The following ANAPC11 variants were observed in gnomAD, a reference collection of about 807,000 sequenced individuals.
The protein encoded by ANAPC11 is anaphase-promoting complex subunit 11.
A neutral mutation model predicts 11.8 loss-of-function variants in ANAPC11; 5 were observed. The ratio of observed to expected loss-of-function variants is 0.42; its 90% CI spans 0.22 to 0.89. The LOEUF is 0.89. Among genes scored for constraint, ANAPC11 ranks in the 40% least tolerant of loss-of-function variants. ANAPC11 has a pLI of 0.28. For missense variants in ANAPC11, 68 were observed against 112.9 expected (o/e 0.60, Z 1.80); for synonymous variants, 45 against 41.0 (o/e 1.10, Z -0.38).
At chr17:81,891,037 C>T (rs2039514094), upstream of ANAPC11, 1 of 724,096 alleles carries the variant, frequency 1.4e-6, no homozygotes. Context: ...TAACTTCCCG[C>T]CGCCTGTGCC....
intron 3 of ANAPC11, chr17:81,898,490 TGA>T (rs1302762574): frequency 6.6e-6 from 1 of 152,226 alleles, no homozygotes; most frequent in African/African-American, 2.4e-5. Context: ...ACTCAGGAGT[TGA>T]GAGTCTAATT....
intron 1 of ANAPC11, among the ~76,000 whole-genome samples, chr17:81,892,766 G>A (rs1054356968): frequency 5.5e-4 from 83 of 151,918 alleles, no homozygotes; most frequent in Non-Finnish European, 9.1e-4. Context: ...CAGATGATCC[G>A]CCCGCCTTGG....
chr17:81,893,224 C>G (rs2039612482), intron 1 of ANAPC11: 1 of 152,362 alleles, frequency 6.6e-6, no homozygotes, highest in Admixed American at 6.5e-5. Context: ...TCCCGAGTAG[C>G]TGGGATTACA....
upstream of ANAPC11, chr17:81,891,360 C>G: frequency 8.7e-7 from 1 of 1,154,398 alleles, no homozygotes; most frequent in Non-Finnish European, 1.1e-6. Flanking sequence ...GCCGCCTCCG[C>G]CGGCCGCGCC....
intron 3 of ANAPC11, chr17:81,899,475 C>CTT (rs1567872275): frequency 6.2e-7 from 1 of 1,614,030 alleles, no homozygotes; most frequent in Non-Finnish European, 8.5e-7. Context: ...TCCTTGGTGC[C>CTT]TTGACCATTC....
At chr17:81,899,138 C>A in intron 3 of ANAPC11, 1 of 1,241,196 alleles carries the variant, frequency 8.1e-7, no homozygotes, top group Non-Finnish European at 1.1e-6. Context: ...ACTTGCTGTG[C>A]TCTGTTGGCA....
chr17:81,894,646 T>TCTGCTGC, intron 3 of ANAPC11, 60 bp downstream of exon 3: 1 of 1,149,660 alleles, frequency 8.7e-7, no homozygotes. Context: ...CTCTGTGCTG[T>TCTGCTGC]CTGCTGCCTG....
At chr17:81,891,872 G>A in intron 1 of ANAPC11, 31 bp downstream of exon 1, 1 of 183,450 alleles carries the variant, frequency 5.5e-6, no homozygotes, top group Non-Finnish European at 1.1e-5. Flanking sequence ...AGGTGCGAGG[G>A]CGCAGGGGGT....
In ANAPC11 at chr17:81,900,196, C is replaced by A; in HGVS notation, c.*131C>A. 1 of 1,401,052 alleles carries A rather than the reference C, an allele frequency of 7.1e-7. No individual in the cohort carries two copies. The highest frequency in any genetic ancestry group is 9.7e-7 in the Non-Finnish European group (1 of 1,032,114). 86.8% of individuals were successfully genotyped at this position (1,401,052 alleles called of 1,614,324 possible). A position where few individuals can be genotyped will look rare whatever the true frequency, so the allele number is the denominator to read the frequency against. On this transcript the variant is annotated 3_prime_UTR_variant, in exon 4 of 4. Transcript: ENST00000344877. ...AGGGCTGGAGCTGCGTTTGTTTTGC[C>A]ATCACTATGTTGACACTTTTATCCA...
intron 3 of ANAPC11, among the ~76,000 whole-genome samples, chr17:81,897,145 C>T (rs575161411): frequency 7.9e-5 from 12 of 152,340 alleles, no homozygotes; most frequent in Non-Finnish European, 1.5e-4. Flanking sequence ...GGACTACAGG[C>T]GCTCGCCGCC....
intron 3 of ANAPC11, among the ~76,000 whole-genome samples, chr17:81,897,815 G>T (rs1294805958): frequency 6.6e-6 from 1 of 151,996 alleles, no homozygotes; most frequent in Non-Finnish European, 1.5e-5. Flanking sequence ...TTTTTTTGTG[G>T]AAATGGAGTC....
chr17:81,891,702 CG>C, upstream of ANAPC11: 1 of 913,410 alleles, frequency 1.1e-6, no homozygotes, highest in Non-Finnish European at 1.4e-6. Context: ...GCGCGCGGGA[CG>C]GGGTGAGGCG....
At chr17:81,890,791 G>C, upstream of ANAPC11, 1 of 1,614,090 alleles carries the variant, frequency 6.2e-7, no homozygotes, top group Non-Finnish European at 8.5e-7. Flanking sequence ...CGAAAAGATC[G>C]TGCTGCCACT....
intron 3 of ANAPC11, 103 bp from the exon 4 acceptor site, chr17:81,899,817 G>A: frequency 8.3e-7 from 1 of 1,200,748 alleles, no homozygotes; most frequent in East Asian, 2.5e-5. Flanking sequence ...CTGCAGTGCT[G>A]GAGCCACTGC....
chr17:81,896,358 G>A (rs1364882948), intron 3 of ANAPC11, among the ~76,000 whole-genome samples: 1 of 152,178 alleles, frequency 6.6e-6, no homozygotes, highest in Non-Finnish European at 1.5e-5. Flanking sequence ...GGAGGCAGAT[G>A]TTGTGGTGAG....
At chr17:81,892,691 G>A (rs1320491377) in intron 1 of ANAPC11, among the ~76,000 whole-genome samples, 1 of 151,178 alleles carries the variant, frequency 6.6e-6, no homozygotes, top group African/African-American at 2.4e-5. Flanking sequence ...CCTGGCTAAT[G>A]TTTGTATTTT....
chr17:81,900,416 C>A, downstream of ANAPC11: 1 of 338,254 alleles, frequency 3.0e-6, no homozygotes. Flanking sequence ...GACGGTAGAG[C>A]CTGGGGCATG....
intron 3 of ANAPC11, among the ~76,000 whole-genome samples, chr17:81,897,783 C>T (rs146246997): frequency 0.022 from 3,399 of 152,132 alleles, 118 homozygotes; most frequent in African/African-American, 0.079. Flanking sequence ...CATGCCTGAA[C>T]AAAACTACAT....
chr17:81,895,463 T>C (rs1031061312), intron 3 of ANAPC11, among the ~76,000 whole-genome samples: 5 of 152,224 alleles, frequency 3.3e-5, no homozygotes, highest in South Asian at 2.1e-4. Context: ...GAAACTCAGC[T>C]GTGAAATACG....
Sources: allele counts gnomAD v4.1 joint callset (sites outside exome capture counted in the v4.1 genomes callset), GRCh38; gene constraint gnomAD v4.1.1; transcripts MANE v1.5; gene names NCBI Gene and HGNC (gene_info 2026-07-23, HGNC 2026-07-21).